RB1CC1: variants seen among roughly 807,000 people sequenced by gnomAD.
The protein encoded by RB1CC1 is RB1 inducible coiled-coil 1.
In RB1CC1, 46 loss-of-function variants were observed where a neutral mutation model predicts 177.5. The ratio of observed to expected loss-of-function variants is 0.26; its 90% CI spans 0.20 to 0.33. The LOEUF is 0.33. Among genes scored for constraint, RB1CC1 ranks in the 10% least tolerant of loss-of-function variants. The pLI, the probability that RB1CC1 is intolerant of heterozygous loss-of-function variation, is 1.00. For synonymous variants in RB1CC1, 666 were observed against 613.6 expected (o/e 1.09, Z -1.26); for missense variants, 1,703 against 1,816.3 (o/e 0.94, Z 1.13).
At chr8:52,640,123 T>C (rs1228476454) in intron 18 of RB1CC1, among the ~76,000 whole-genome samples, 1 of 152,198 alleles carries the variant, frequency 6.6e-6, no homozygotes, top group Admixed American at 6.5e-5. Flanking sequence ...TTTTGATACT[T>C]TGGTTCTGAA....
In RB1CC1 at chr8:52,622,677, T is replaced by TAA. The variant is rs1848137933; in HGVS notation, c.*1103_*1104dup. On this transcript the variant is annotated 3_prime_UTR_variant, in exon 24 of 24. Coordinates refer to ENST00000025008, the MANE Select transcript of RB1CC1 (RefSeq NM_014781.5). Reference sequence around the variant, plus strand: ...ATCCAACTCAACTAACTCATTTAAATAACTTTGCTCAATGGCAACTTCTCT... The same window carrying TAA: ...ATCCAACTCAACTAACTCATTTAAATAAAACTTTGCTCAATGGCAACTTCTCT... The TAA allele has an allele frequency of 6.6e-6, 1 of 152,104 alleles. No individual in the cohort carries two copies. Among genetic ancestry groups the TAA allele is most frequent in the Admixed American group, 6.6e-5 (1 of 15,218 alleles). The allele number at this position is 152,104 out of a possible 1,614,324, so 9.4% of individuals were successfully genotyped here. A position where few individuals can be genotyped will look rare whatever the true frequency, so the allele number is the denominator to read the frequency against.
intron 7 of RB1CC1, among the ~76,000 whole-genome samples, chr8:52,673,431 T>C (rs1852785127): frequency 6.6e-6 from 1 of 152,222 alleles, no homozygotes; most frequent in South Asian, 2.1e-4. Context: ...CTCAGGCAGA[T>C]GCAGCATTTG....
At chr8:52,703,765 G>C (rs1856309297) in intron 1 of RB1CC1, among the ~76,000 whole-genome samples, 1 of 152,052 alleles carries the variant, frequency 6.6e-6, no homozygotes, top group African/African-American at 2.4e-5. Context: ...TATTGCAAAT[G>C]GCTAAAAAAA....
chr8:52,649,751 T>A (rs1193916492), intron 15 of RB1CC1, among the ~76,000 whole-genome samples: 1 of 152,234 alleles, frequency 6.6e-6, no homozygotes, highest in African/African-American at 2.4e-5. Flanking sequence ...CCATCAATCA[T>A]GTAGTAGGTA....
Position 52,657,495 on chromosome 8 carries a change from C to T in RB1CC1, c.2334G>A (p.Gln778=), listed in dbSNP as rs149690457. ...CCTCCTTACCACATACATTTGTATC[C>T]TGCATTCGTCTACTGTCTATCGCAT... is the stretch of plus-strand genomic sequence containing the variant. ...VINAIDSRRM[Q]DTNVCGKEDF... is the part of the protein sequence containing the mutation. The change falls in exon 15 of 24, where the codon CAG becomes CAA. Residue 778 remains glutamine (Q), a synonymous_variant. Transcript: ENST00000025008. 1,114 of 1,613,836 alleles carry T rather than the reference C, an allele frequency of 6.9e-4. 5 individuals are homozygous for T. The African/African-American group carries it at 0.013, about 19-fold the overall frequency.
chr8:52,655,969 AT>A (rs1372662377), intron 15 of RB1CC1, 38 bp downstream of exon 15: 1 of 1,442,550 alleles, frequency 6.9e-7, no homozygotes, highest in Middle Eastern at 2.1e-4. Flanking sequence ...AATCACTGAT[AT>A]TTTAATTTTA....
rs748784656 is a variant in RB1CC1, at chr8:52,657,479, C to T, written c.2350G>A (p.Gly784Ser). Residue 784 changes from glycine (G) to serine (S), a missense_variant, in exon 15 of 24, where the codon GGT becomes AGT. Coordinates refer to ENST00000025008, the MANE Select transcript of RB1CC1 (RefSeq NM_014781.5). ...SRRMQDTNVC[G>S]KEDFGDHTSL... is the part of the protein sequence containing the mutation. ...GTATGATCTCCAAAATCCTCCTTAC[C>T]ACATACATTTGTATCCTGCATTCGT... The T allele has an allele frequency of 5.6e-6, 9 of 1,613,724 alleles. No homozygotes were observed. Among genetic ancestry groups the T allele is most frequent in the Non-Finnish European group, 7.6e-6 (9 of 1,179,994 alleles).
At chr8:52,631,643 TTA>T (rs765310171) in intron 20 of RB1CC1, among the ~76,000 whole-genome samples, 2 of 152,130 alleles carry the variant, frequency 1.3e-5, no homozygotes, top group Non-Finnish European at 2.9e-5. Context: ...ATGTAATCAT[TTA>T]TCATGACCTA....
intron 1 of RB1CC1, among the ~76,000 whole-genome samples, chr8:52,703,357 C>T (rs976494943): frequency 6.6e-6 from 1 of 152,110 alleles, no homozygotes; most frequent in Non-Finnish European, 1.5e-5. Context: ...ATCTTAGATT[C>T]TTTTAATGTT....
In RB1CC1 at chr8:52,645,887, A is replaced by G. The variant is rs1849976955; in HGVS notation, c.3822-20T>C. 1 of 1,569,982 alleles carries G rather than the reference A, an allele frequency of 6.4e-7. No individual in the cohort carries two copies. The highest frequency in any genetic ancestry group is 8.6e-7 in the Non-Finnish European group (1 of 1,167,112). ...GCAGGACTTACAAATTAAATACAGC[A>G]TTAAATTAAAAAAAAAATTACAGAC... On this transcript the variant is annotated intron_variant, in intron 15 of 23. Coordinates refer to ENST00000025008, the MANE Select transcript of RB1CC1 (RefSeq NM_014781.5).
chr8:52,698,740 C>T (rs1351288130), intron 1 of RB1CC1, among the ~76,000 whole-genome samples: 3 of 116,490 alleles, frequency 2.6e-5, no homozygotes, highest in African/African-American at 3.6e-5. Flanking sequence ...GACAGAGTCT[C>T]GGTCTGTCGC....
At chr8:52,709,813 G>C (rs1344535144) in intron 1 of RB1CC1, among the ~76,000 whole-genome samples, 1 of 152,240 alleles carries the variant, frequency 6.6e-6, no homozygotes, top group East Asian at 1.9e-4. Flanking sequence ...ACACCCCAAT[G>C]ACAATCTCTG....
intron 7 of RB1CC1, among the ~76,000 whole-genome samples, chr8:52,669,053 A>C (rs1362110803): frequency 6.6e-6 from 1 of 152,200 alleles, no homozygotes; most frequent in Non-Finnish European, 1.5e-5. Flanking sequence ...ATAACTCCCA[A>C]GTCTACTTCA....
chr8:52,683,361 A>C (rs964745017), intron 5 of RB1CC1, among the ~76,000 whole-genome samples, 188 bp downstream of exon 5: 1 of 152,226 alleles, frequency 6.6e-6, no homozygotes, highest in African/African-American at 2.4e-5. Context: ...AAATACTGTC[A>C]TTATCAAAGT....
intron 16 of RB1CC1, among the ~76,000 whole-genome samples, chr8:52,643,513 C>A (rs1482079742): frequency 6.6e-6 from 1 of 151,682 alleles, no homozygotes; most frequent in African/African-American, 2.4e-5. Context: ...CCAGCCTGAG[C>A]AACACAAGAT....
At chr8:52,648,420 A>G (rs17336810) in intron 15 of RB1CC1, among the ~76,000 whole-genome samples, 6,824 of 152,296 alleles carry the variant, frequency 0.045, 211 homozygotes, top group Non-Finnish European at 0.065. Flanking sequence ...TATCAGGGGA[A>G]TTAACCCTAG....
At chr8:52,645,627 C>T in intron 16 of RB1CC1, 75 bp downstream of exon 16, 1 of 1,442,902 alleles carries the variant, frequency 6.9e-7, no homozygotes, top group Non-Finnish European at 9.4e-7. Context: ...CCCTCAGCTA[C>T]ATAAAGAAAT....
At chr8:52,692,304 GATAC>G (rs1167807775) in intron 1 of RB1CC1, among the ~76,000 whole-genome samples, 6 of 151,994 alleles carry the variant, frequency 3.9e-5, no homozygotes, top group Admixed American at 3.3e-4. Context: ...AAAACTCCAT[GATAC>G]CTACTTTCAG....
rs1188706626 is a variant in RB1CC1, at chr8:52,714,322, G to A, written c.-414C>T. 2 of 158,106 alleles carry A rather than the reference G, an allele frequency of 1.3e-5. No homozygotes were observed. Among genetic ancestry groups the A allele is most frequent in the Admixed American group, 1.3e-4 (2 of 15,300 alleles). The allele number at this position is 158,106 out of a possible 1,614,324, so 9.8% of individuals were successfully genotyped here. On this transcript the variant is annotated 5_prime_UTR_variant, in exon 1 of 24. Transcript: ENST00000025008. The stretch of plus-strand genomic sequence containing the variant: ...CTGGGTCTGGGGCCGGGGGACAGAA[G>A]GCCGCGGCCTGTCAGAGCCGAGGGG...
Sources: allele counts gnomAD v4.1 joint callset (sites outside exome capture counted in the v4.1 genomes callset), GRCh38; gene constraint gnomAD v4.1.1; transcripts MANE v1.5; gene names NCBI Gene and HGNC (gene_info 2026-07-23, HGNC 2026-07-21).